Variants in NAE1 observed in about 807,000 individuals in gnomAD.
NAE1 encodes the protein NEDD8 activating enzyme E1 subunit 1, also known as NEDD8-activating enzyme E1 regulatory subunit.
Under a neutral mutation model 88.0 loss-of-function variants are expected in NAE1, and 59 were observed. That is an observed-to-expected ratio of 0.67 (90% CI 0.54 to 0.83). The LOEUF (loss-of-function observed/expected upper bound fraction) is 0.83. Ranked by LOEUF, NAE1 falls within the 40% of genes least tolerant of loss-of-function variation. The probability of loss-of-function intolerance (pLI) is 0.00; values close to 1 mark genes in which losing one functional copy is unlikely to be tolerated. For missense variants in NAE1, 554 were observed against 632.8 expected (o/e 0.88, Z 1.34); for synonymous variants, 186 against 208.9 (o/e 0.89, Z 0.95).
At chr16:66,824,941 AGTT>A in intron 3 of NAE1, 56 bp from the exon 4 acceptor site, 2 of 1,501,336 alleles carry the variant, frequency 1.3e-6, no homozygotes, top group Non-Finnish European at 1.8e-6. Flanking sequence ...ATAAAGGAAA[AGTT>A]GTTTGTAATA....
rs764094417 is a variant in NAE1 at position 66,823,601 on chromosome 16, C to A, written c.250-1G>T. On this transcript the variant is annotated splice_acceptor_variant, in intron 4 of 19. Transcript: ENST00000290810. LOFTEE classifies it high-confidence loss of function. ...ATTCCATGGCAGCTTCAGCTCGGTTCTTTTTAAAAACAAAGCATTTAACTT... is the reference window on the plus strand; with the variant it reads ...ATTCCATGGCAGCTTCAGCTCGGTTATTTTTAAAAACAAAGCATTTAACTT... 1 of 1,587,158 alleles carries A rather than the reference C, an allele frequency of 6.3e-7. No homozygotes were observed. The highest frequency in any genetic ancestry group is 1.2e-5 in the South Asian group (1 of 85,274).
intron 14 of NAE1, 138 bp downstream of exon 14, chr16:66,810,559 A>G: frequency 9.2e-7 from 1 of 1,087,074 alleles, no homozygotes; most frequent in Non-Finnish European, 1.4e-6. Flanking sequence ...CCTTATCACA[A>G]GCTATCCCAT....
chr16:66,818,592 T>G lies in NAE1; in HGVS notation c.557A>C (p.Asp186Ala). The part of the protein sequence containing the change: ...PDNALEDLRL[D>A]KPFPELREHF... ...TTCTCTCAGTTCAGGAAATGGCTTA[T>G]CTAGTCGTAGATCCTCTAATGCATT... The change falls in exon 8 of 20, where the codon GAT (aspartate) becomes GCT (alanine). Residue 186 changes from aspartate to alanine, a missense_variant. Physicochemically the swap from Asp to Ala is moderately radical, Grantham distance 126. Coordinates refer to ENST00000290810, the MANE Select transcript of NAE1 (RefSeq NM_003905.4). 1 of 1,613,306 alleles carries G rather than the reference T, an allele frequency of 6.2e-7. No homozygotes were observed. The highest frequency in any genetic ancestry group is 8.5e-7 in the Non-Finnish European group (1 of 1,179,760).
At chr16:66,827,969 A>C (rs2145357373) in intron 1 of NAE1, 1 of 1,610,324 alleles carries the variant, frequency 6.2e-7, no homozygotes, top group East Asian at 2.2e-5. Flanking sequence ...TACAGGCACA[A>C]GCCACTGTAC....
intron 1 of NAE1, among the ~76,000 whole-genome samples, chr16:66,827,023 C>G (rs952750350): frequency 1.3e-5 from 2 of 152,186 alleles, no homozygotes; most frequent in African/African-American, 4.8e-5. Context: ...GGTCTTCCAG[C>G]CCCTTATCAG....
Position 66,805,833 on chromosome 16 carries a change from GA to G in NAE1, c.1446-8del, listed in dbSNP as rs770005367. Reference sequence around the variant, plus strand: ...AGCAGCTCCATATCGGCAACTAAAGGAGACCACAGAGACATGAATTTTGATT... The same window carrying G: ...AGCAGCTCCATATCGGCAACTAAAGGGACCACAGAGACATGAATTTTGATT... On this transcript the variant is annotated splice_polypyrimidine_tract_variant and splice_region_variant and intron_variant, in intron 18 of 19. Coordinates refer to ENST00000290810, the MANE Select transcript of NAE1 (RefSeq NM_003905.4). The G allele has an allele frequency of 6.5e-7, 1 of 1,545,202 alleles. No homozygotes were observed. Among genetic ancestry groups the G allele is most frequent in the South Asian group, 1.3e-5 (1 of 78,124 alleles).
chr16:66,803,262 A>G (rs363202), intron 19 of NAE1, 144 bp from the exon 20 acceptor site: 51 of 609,036 alleles, frequency 8.4e-5, no homozygotes, highest in Non-Finnish European at 1.4e-4. Context: ...TTACTGAGTC[A>G]TATCAACATA....
chr16:66,808,682 T>A, intron 16 of NAE1, 69 bp from the exon 17 acceptor site: 1 of 1,118,936 alleles, frequency 8.9e-7, no homozygotes, highest in Non-Finnish European at 1.4e-6. Context: ...AGGGCTGAAT[T>A]TACTATATAC....
At position 66,810,380 on chromosome 16, in the gene NAE1, A is replaced by T. The variant is rs762532375; in HGVS notation, c.1144T>A (p.Leu382Ile). Residue 382 changes from leucine to isoleucine, a missense_variant, in exon 15 of 20, where the codon TTA (leucine) becomes ATA (isoleucine). Coordinates refer to ENST00000290810, the MANE Select transcript of NAE1 (RefSeq NM_003905.4). ...TTAATTCAAGGGGACTTACAGAGTA[A>T]TTTTAATTCTTTCTCTGAAATGGAC... is the stretch of plus-strand genomic sequence containing the variant. ...PESISEKELK[L>I]LCSNSAFLRV... 6.3e-7 allele frequency: 1 copy of T among 1,597,780 alleles called. No homozygotes were observed. The highest frequency in any genetic ancestry group is 8.6e-7 in the Non-Finnish European group (1 of 1,166,708).
chr16:66,823,489 G>A, intron 5 of NAE1, 40 bp downstream of exon 5: 1 of 1,531,500 alleles, frequency 6.5e-7, no homozygotes, highest in African/African-American at 1.4e-5. Context: ...TTAAAAAATT[G>A]TATTTCAGCA....
chr16:66,824,856 T>C lies in NAE1; in HGVS notation c.248A>G (p.Lys83Arg), dbSNP rs1167396534. The change falls in exon 4 of 20, where the codon AAG becomes AGG. Residue 83 changes from lysine to arginine, a missense_variant and splice_region_variant. Lys to Arg is a conservative substitution (Grantham distance 26, BLOSUM62 2). Coordinates refer to ENST00000290810, the MANE Select transcript of NAE1 (RefSeq NM_003905.4). ...NFFLQRSSIG[K>R]NRAEAAMEFL... The stretch of plus-strand genomic sequence containing the variant: ...CAACTATATTCTCTAATTGTTTACC[T>C]TGCCGATACTGCTTCTTTGAAGGAA... The C allele has an allele frequency of 1.2e-6, 2 of 1,609,956 alleles. No individual in the cohort carries two copies. The highest frequency in any genetic ancestry group is 8.5e-7 in the Non-Finnish European group (1 of 1,177,548).
Position 66,826,732 on chromosome 16 carries a change from G to C in NAE1, c.102C>G (p.Cys34Trp), listed in dbSNP as rs1960478201. Residue 34 changes from cysteine to tryptophan, a missense_variant, in exon 2 of 20, where the codon TGC (cysteine) becomes TGG (tryptophan). Transcript: ENST00000290810. Reference sequence around the variant, plus strand: ...TTCCTGTGGCTGTTGCATTTATTAGGCAAACATGAGCAGATTCTAAAGCCT... The same window carrying C: ...TTCCTGTGGCTGTTGCATTTATTAGCCAAACATGAGCAGATTCTAAAGCCT... ...GQEALESAHV[C>W]LINATATGTE... The C allele has an allele frequency of 6.2e-7, 1 of 1,613,940 alleles. No homozygotes were observed. The highest frequency in any genetic ancestry group is 8.5e-7 in the Non-Finnish European group (1 of 1,180,000).
chr16:66,826,513 T>C lies in NAE1; in HGVS notation c.218+10A>G, dbSNP rs559624725. ...TTAACGTGAATATATTTGAAGAGAA[T>C]AGAACATACTTGTTTCCAGCATCTT... On this transcript the variant is annotated intron_variant, in intron 3 of 19. Transcript: ENST00000290810. 3.7e-6 allele frequency: 6 copies of C among 1,613,676 alleles called. No homozygotes were observed. Among genetic ancestry groups the C allele is most frequent in the South Asian group, 1.1e-5 (1 of 91,078 alleles).
At chr16:66,808,262 A>G (rs151200904) in intron 17 of NAE1, among the ~76,000 whole-genome samples, 153 of 152,314 alleles carry the variant, frequency 1.0e-3, no homozygotes, top group African/African-American at 3.5e-3. Flanking sequence ...GTAACAAACT[A>G]TGGAAAATGA....
rs755982199 is a variant in NAE1 at position 66,830,892 on chromosome 16, T to G, written c.8A>C (p.Gln3Pro). The G allele has an allele frequency of 6.7e-5, 103 of 1,536,710 alleles. 1 individual carries two copies. In the South Asian group the frequency reaches 9.2e-4, roughly 14 times the overall value. The change falls in exon 1 of 20, where the codon CAG (glutamine) becomes CCG (proline). Residue 3 changes from glutamine (Q) to proline (P), a missense_variant. Coordinates refer to ENST00000290810, the MANE Select transcript of NAE1 (RefSeq NM_003905.4). Reference protein sequence around the residue: MAQLGKLLKEQKY... With the variant: MAPLGKLLKEQKY... ...CTGCTCCTTGAGCAGCTTTCCCAGCTGCGCCATGGCCGCGCCTGCCGCGCG... is the reference window on the plus strand; with the variant it reads ...CTGCTCCTTGAGCAGCTTTCCCAGCGGCGCCATGGCCGCGCCTGCCGCGCG...
In NAE1 at chr16:66,821,482, C is replaced by A. The variant is rs977851544; in HGVS notation, c.479G>T (p.Gly160Val). The change falls in exon 7 of 20, where the codon GGT (glycine) becomes GTT (valine). Residue 160 changes from glycine to valine, a missense_variant. Physicochemically the swap from Gly to Val is moderately radical, Grantham distance 109. Transcript: ENST00000290810. ...LLICRTYGLV[G>V]YMRIIIKEHP... Reference sequence around the variant, plus strand: ...TTCTTTTATAATGATCCTCATATAACCAACTAGTCCATATGTCCTACAGAT... The same window carrying A: ...TTCTTTTATAATGATCCTCATATAAACAACTAGTCCATATGTCCTACAGAT... 8 of 1,597,180 alleles carry A rather than the reference C, an allele frequency of 5.0e-6. No individual in the cohort carries two copies. The highest frequency in any genetic ancestry group is 1.1e-5 in the South Asian group (1 of 87,038).
intron 6 of NAE1, 151 bp downstream of exon 6, chr16:66,823,076 C>CAAA (rs776599321): frequency 1.5e-3 from 228 of 151,380 alleles, no homozygotes; most frequent in South Asian, 3.3e-3. Context: ...AGCTCAAGCT[C>CAAA]AAAAAAAAAA....
chr16:66,803,963 A>G (rs1231433351), intron 19 of NAE1, among the ~76,000 whole-genome samples: 4 of 152,174 alleles, frequency 2.6e-5, no homozygotes, highest in African/African-American at 9.7e-5. Context: ...TAAGGAAAAA[A>G]GACAAGAAGA....
In NAE1 at chr16:66,827,976, G is replaced by A. The variant is rs781046056; in HGVS notation, c.54-1196C>T. On this transcript the variant is annotated intron_variant, in intron 1 of 19. Coordinates refer to ENST00000290810, the MANE Select transcript of NAE1 (RefSeq NM_003905.4). Reference sequence around the variant, plus strand: ...GCTGGGACTACAGGCACAAGCCACTGTACCTGGCTTCATTTGTTTTTGTTT... The same window carrying A: ...GCTGGGACTACAGGCACAAGCCACTATACCTGGCTTCATTTGTTTTTGTTT... The A allele has an allele frequency of 6.2e-6, 10 of 1,611,244 alleles. No homozygotes were observed. In the African/African-American group the frequency reaches 6.7e-5, roughly 11 times the overall value.
Sources: allele counts gnomAD v4.1 joint callset (sites outside exome capture counted in the v4.1 genomes callset), GRCh38; gene constraint gnomAD v4.1.1; transcripts MANE v1.5; gene names NCBI Gene and HGNC (gene_info 2026-07-23, HGNC 2026-07-21).